The following GNPAT variants were observed in gnomAD, a reference collection of about 807,000 sequenced individuals.
GNPAT encodes the protein dihydroxyacetone phosphate acyltransferase.
In GNPAT, 30 loss-of-function variants were observed where a neutral mutation model predicts 78.4. The observed-to-expected ratio is 0.38, with a 90% confidence interval of 0.29 to 0.52. GNPAT has a LOEUF of 0.52. Ranked by LOEUF, GNPAT falls within the 20% of genes least tolerant of loss-of-function variation. The pLI, the probability that GNPAT is intolerant of heterozygous loss-of-function variation, is 0.84. For synonymous variants in GNPAT, 271 were observed against 281.1 expected, an observed-to-expected ratio of 0.96 and a Z score of 0.36; for missense variants, 714 against 812.2, an observed-to-expected ratio of 0.88 and a Z score of 1.47.
chr1:231,247,952 A>G (rs923764740), intron 1 of GNPAT, among the ~76,000 whole-genome samples: 5 of 152,220 alleles, frequency 3.3e-5, no homozygotes, highest in African/African-American at 1.2e-4. Context: ...GAAGGATTGT[A>G]GATGATCGTA....
rs11558492 is a variant in GNPAT, at chr1:231,272,345, A to G, written c.1556A>G (p.Asp519Gly). ...DVYSCFRFLRDVFADEFIFLP... is the reference protein window; with the variant it reads ...DVYSCFRFLRGVFADEFIFLP... ...TACAGTTGCTTTCGCTTCCTACGTG[A>G]TGTTTTTGCAGATGAGTTCATCTTC... Residue 519 changes from aspartate (D) to glycine (G), a missense_variant, in exon 11 of 16, where the codon GAT becomes GGT. Asp to Gly is a moderately conservative substitution (Grantham distance 94). Transcript: ENST00000366647. The G allele has an allele frequency of 0.19, 307,127 of 1,586,152 alleles. 32,140 individuals carry two copies. Among genetic ancestry groups the G allele is most frequent in the Non-Finnish European group, 0.22 (248,632 of 1,154,982 alleles).
Position 231,266,005 on chromosome 1 carries a change from G to T in GNPAT, c.773-9G>T, listed in dbSNP as rs753213496. 1 of 1,610,588 alleles carries T rather than the reference G, an allele frequency of 6.2e-7. No individual in the cohort carries two copies. Among genetic ancestry groups the T allele is most frequent in the African/African-American group, 1.3e-5 (1 of 74,860 alleles). On this transcript the variant is annotated splice_polypyrimidine_tract_variant and intron_variant, in intron 6 of 15. Transcript: ENST00000366647. ...ATGTTGATGAAGCATTTCTCCCTGTGTTTTGCAGGTCTTCTGAATATTGTG... is the reference window on the plus strand; with the variant it reads ...ATGTTGATGAAGCATTTCTCCCTGTTTTTTGCAGGTCTTCTGAATATTGTG...
intron 14 of GNPAT, 131 bp downstream of exon 14, chr1:231,275,629 C>T (rs1685691004): frequency 1.4e-6 from 1 of 704,288 alleles, no homozygotes; most frequent in East Asian, 2.7e-5. Flanking sequence ...TATCCATCCT[C>T]TAATTAGTTA....
intron 2 of GNPAT, among the ~76,000 whole-genome samples, chr1:231,256,137 A>G (rs1685050528): frequency 6.6e-6 from 1 of 152,206 alleles, no homozygotes; most frequent in African/African-American, 2.4e-5. Flanking sequence ...CCTATTATAA[A>G]TAATAACATA....
In GNPAT at chr1:231,262,822, T is replaced by A. The variant is rs749681021; in HGVS notation, c.538T>A (p.Leu180Met). The change falls in exon 4 of 16, where the codon TTG becomes ATG. Residue 180 changes from leucine to methionine, a missense_variant. Coordinates refer to ENST00000366647, the MANE Select transcript of GNPAT (RefSeq NM_014236.4). ...GTCTTTTCTTCTATACAATTATGATTTGCCTGTGCCAGTTATAGCAGCAGG... is the reference window on the plus strand; with the variant it reads ...GTCTTTTCTTCTATACAATTATGATATGCCTGTGCCAGTTATAGCAGCAGG... Reference protein sequence around the residue: ...MLSFLLYNYDLPVPVIAAGMD... With the variant: ...MLSFLLYNYDMPVPVIAAGMD... 1 of 1,611,982 alleles carries A rather than the reference T, an allele frequency of 6.2e-7. No individual in the cohort carries two copies. The highest frequency in any genetic ancestry group is 8.5e-7 in the Non-Finnish European group (1 of 1,178,156).
In GNPAT at chr1:231,272,386, C is replaced by A; in HGVS notation, c.1597C>A (p.Leu533Ile). 6.5e-7 allele frequency: 1 copy of A among 1,546,762 alleles called. No individual in the cohort carries two copies. The highest frequency in any genetic ancestry group is 8.9e-7 in the Non-Finnish European group (1 of 1,119,784). ...DEFIFLPGNT[L>I]KDFEEGCYLL... Reference sequence around the variant, plus strand: ...GTTCATCTTCCTTCCAGGAAACACACTAAAGGTAAAGTGCTTACAACAAAG... The same window carrying A: ...GTTCATCTTCCTTCCAGGAAACACAATAAAGGTAAAGTGCTTACAACAAAG... The change falls in exon 11 of 16, where the codon CTA (leucine) becomes ATA (isoleucine). Residue 533 changes from leucine (L) to isoleucine (I), a missense_variant. Leu to Ile is a conservative substitution (Grantham distance 5). Transcript: ENST00000366647.
Position 231,277,736 on chromosome 1 carries a change from G to A in GNPAT, c.*194G>A. 3.4e-6 allele frequency: 2 copies of A among 586,334 alleles called. No individual in the cohort carries two copies. Among genetic ancestry groups the A allele is most frequent in the South Asian group, 2.0e-5 (1 of 49,202 alleles). The allele number at this position is 586,334 out of a possible 1,614,324, so 36.3% of individuals were successfully genotyped here. ...TCTTCCCCACCACAGTGGTTAAAAG[G>A]CGTTTGTATCTGACACTATGTGTGT... On this transcript the variant is annotated 3_prime_UTR_variant, in exon 16 of 16. Transcript: ENST00000366647.
At chr1:231,266,731 T>G (rs1466328121) in intron 8 of GNPAT, among the ~76,000 whole-genome samples, 1 of 152,236 alleles carries the variant, frequency 6.6e-6, no homozygotes, top group Non-Finnish European at 1.5e-5. Flanking sequence ...TGAGCACTAT[T>G]GGTAAGCTAG....
At chr1:231,270,622 C>A in intron 9 of GNPAT, 136 bp from the exon 10 acceptor site, 1 of 843,420 alleles carries the variant, frequency 1.2e-6, no homozygotes, top group Non-Finnish European at 2.1e-6. Context: ...GTATCATTAC[C>A]GTAATTGGTA....
rs549151385 is a variant in GNPAT, at chr1:231,270,855, C to T, written c.1377C>T (p.Ser459=). ...VKDQVILKVD[S]GDSEVVDGLM... ...ACCAGGTGATTCTGAAAGTGGACTC[C>T]GGAGACTCGGAAGTGGTCGATGGGC... Residue 459 remains serine (S), a synonymous_variant, in exon 10 of 16, where the codon TCC becomes TCT. Coordinates refer to ENST00000366647, the MANE Select transcript of GNPAT (RefSeq NM_014236.4). 450 of 1,614,096 alleles carry T rather than the reference C, an allele frequency of 2.8e-4. 7 individuals carry two copies. In the South Asian group the frequency reaches 4.3e-3, roughly 16 times the overall value.
At chr1:231,249,551 G>C (rs896305915) in intron 1 of GNPAT, among the ~76,000 whole-genome samples, 2 of 152,154 alleles carry the variant, frequency 1.3e-5, no homozygotes, top group Non-Finnish European at 2.9e-5. Context: ...TCCTACCTTC[G>C]AGATAATTTC....
intron 2 of GNPAT, among the ~76,000 whole-genome samples, chr1:231,258,671 G>A (rs1292560589): frequency 1.8e-5 from 2 of 113,100 alleles, no homozygotes; most frequent in Non-Finnish European, 3.3e-5. Flanking sequence ...TCGCTCTGTC[G>A]CCCCGGCTGG....
At position 231,265,277 on chromosome 1, in the gene GNPAT, A is replaced by G. The variant is rs1685343547; in HGVS notation, c.569-16A>G. ...ATTTCAAGATCTGCAAATAAATATT[A>G]TCCCCTCTTTTTTAGACTTCCTGGG... is the stretch of plus-strand genomic sequence containing the variant. On this transcript the variant is annotated splice_polypyrimidine_tract_variant and intron_variant, in intron 4 of 15. Transcript: ENST00000366647. 6 of 1,586,482 alleles carry G rather than the reference A, an allele frequency of 3.8e-6. No individual in the cohort carries two copies. The highest frequency in any genetic ancestry group is 4.5e-5 in the East Asian group (2 of 44,748).
At chr1:231,248,934 C>T (rs1190129056) in intron 1 of GNPAT, among the ~76,000 whole-genome samples, 1 of 152,174 alleles carries the variant, frequency 6.6e-6, no homozygotes, top group Non-Finnish European at 1.5e-5. Context: ...TGTGTAAACA[C>T]ACTCTGTGAT....
chr1:231,258,075 A>T (rs1449526216), intron 2 of GNPAT: 1 of 152,398 alleles, frequency 6.6e-6, no homozygotes, highest in Non-Finnish European at 1.5e-5. Flanking sequence ...CCTGAAATTC[A>T]TCCCTCTTAC....
chr1:231,265,244 T>C, intron 4 of GNPAT, 49 bp from the exon 5 acceptor site: 1 of 1,320,130 alleles, frequency 7.6e-7, no homozygotes, highest in Middle Eastern at 1.8e-4. Flanking sequence ...TTTAGATCTT[T>C]ATAGAAGATT....
intron 1 of GNPAT, among the ~76,000 whole-genome samples, chr1:231,242,789 G>T (rs1684648294): frequency 6.6e-6 from 1 of 152,182 alleles, no homozygotes; most frequent in Non-Finnish European, 1.5e-5. Flanking sequence ...TTTACCAACG[G>T]TTCTTTAATA....
In GNPAT at chr1:231,262,735, A is replaced by G. The variant is rs868446973; in HGVS notation, c.451A>G (p.Ile151Val). The change falls in exon 4 of 16, where the codon ATC (isoleucine) becomes GTC (valine). Residue 151 changes from isoleucine to valine, a missense_variant. Coordinates refer to ENST00000366647, the MANE Select transcript of GNPAT (RefSeq NM_014236.4). ...EEGIQKLQRA[I>V]QEHPVVLLPS... ...ATTTACTTTCAAGCTACAAAGAGCC[A>G]TCCAGGAGCATCCTGTTGTTCTGCT... 3.1e-6 allele frequency: 5 copies of G among 1,610,186 alleles called. No homozygotes were observed. The highest frequency in any genetic ancestry group is 1.7e-4 in the Middle Eastern group (1 of 6,054).
chr1:231,267,333 G>C (rs1002550090), intron 8 of GNPAT, among the ~76,000 whole-genome samples: 1 of 152,108 alleles, frequency 6.6e-6, no homozygotes, highest in South Asian at 2.1e-4. Context: ...TATGTTCAGC[G>C]TGCTATGCAT....
Sources: allele counts gnomAD v4.1 joint callset (sites outside exome capture counted in the v4.1 genomes callset), GRCh38; gene constraint gnomAD v4.1.1; transcripts MANE v1.5; gene names NCBI Gene and HGNC (gene_info 2026-07-23, HGNC 2026-07-21).